CYYR1: variants seen among roughly 807,000 people sequenced by gnomAD.
The protein encoded by CYYR1 is cysteine and tyrosine-rich protein 1.
CYYR1 carries 14 observed loss-of-function variants against 15.2 expected under a neutral mutation model. The ratio of observed to expected loss-of-function variants is 0.92; its 90% CI spans 0.61 to 1.44. The LOEUF (loss-of-function observed/expected upper bound fraction) is 1.44. Ranked by LOEUF, CYYR1 falls within the 40% of genes most tolerant of loss-of-function variation. CYYR1 has a pLI of 0.00. For missense variants in CYYR1, 228 were observed against 209.5 expected (o/e 1.09, Z -0.54); for synonymous variants, 80 against 77.4 (o/e 1.03, Z -0.18).
At chr21:26,483,967 C>T (rs1017492357) in intron 2 of CYYR1, among the ~76,000 whole-genome samples, 3 of 152,170 alleles carry the variant, frequency 2.0e-5, no homozygotes, top group Admixed American at 6.6e-5. Context: ...GGTCCTTATT[C>T]TCAGTGGTAC....
Position 26,573,263 on chromosome 21 carries a change from A to G in CYYR1, c.-323T>C, listed in dbSNP as rs936174917. 2.8e-5 allele frequency: 37 copies of G among 1,329,264 alleles called. No homozygotes were observed. The African/African-American group carries it at 4.9e-4, about 18-fold the overall frequency. 82.3% of individuals were successfully genotyped at this position (1,329,264 alleles called of 1,614,324 possible). A position where few individuals can be genotyped will look rare whatever the true frequency, so the allele number is the denominator to read the frequency against. ...CCTTGGCCACCCAGGCTCACATTTCATCTCCGCGGGTGGCAACGACTGCGG... is the reference window on the plus strand; with the variant it reads ...CCTTGGCCACCCAGGCTCACATTTCGTCTCCGCGGGTGGCAACGACTGCGG... On this transcript the variant is annotated 5_prime_UTR_variant, in exon 1 of 4. The change abolishes an upstream ATG in the 5' untranslated region. Coordinates refer to ENST00000652641, the MANE Select transcript of CYYR1 (RefSeq NM_001320768.2).
At chr21:26,545,105 CTTT>C (rs1440357752) in intron 2 of CYYR1, among the ~76,000 whole-genome samples, 1 of 151,948 alleles carries the variant, frequency 6.6e-6, no homozygotes, top group African/African-American at 2.4e-5. Context: ...ATACCAGTCC[CTTT>C]TTAATTCCTA....
intron 2 of CYYR1, among the ~76,000 whole-genome samples, chr21:26,513,784 A>C (rs942449380): frequency 6.6e-6 from 1 of 151,874 alleles, no homozygotes; most frequent in African/African-American, 2.4e-5. Flanking sequence ...AGAGGAAAAA[A>C]CCATGCATGC....
chr21:26,562,799 A>AACACACACACACACACACACAC lies in CYYR1; in HGVS notation c.176+3445_176+3466dup, dbSNP rs57351372. Among the ~76,000 whole-genome samples, 420 of 132,578 alleles carry AACACACACACACACACACACAC rather than the reference A, an allele frequency of 3.2e-3. 3 individuals carry two copies. The highest frequency in any genetic ancestry group is 5.4e-3 in the Non-Finnish European group (338 of 62,142). 87.0% of individuals were successfully genotyped at this position (132,578 alleles called of 152,430 possible). A position where few individuals can be genotyped will look rare whatever the true frequency, so the allele number is the denominator to read the frequency against. ...ACACACACACACAGAGACATACACA[A>AACACACACACACACACACACAC]ACACACACACACACACACACACACA... On this transcript the variant is annotated intron_variant, in intron 2 of 3. Transcript: ENST00000652641.
chr21:26,544,700 T>C (rs955925109), intron 2 of CYYR1, among the ~76,000 whole-genome samples: 1 of 152,210 alleles, frequency 6.6e-6, no homozygotes, highest in Non-Finnish European at 1.5e-5. Flanking sequence ...TATTAAACAT[T>C]ATTTAAATAA....
intron 3 of CYYR1, among the ~76,000 whole-genome samples, chr21:26,473,306 C>T (rs895734458): frequency 2.0e-5 from 3 of 152,016 alleles, no homozygotes; most frequent in South Asian, 2.1e-4. Flanking sequence ...AAATAAAGGC[C>T]CACACAGCTC....
intron 2 of CYYR1, chr21:26,482,551 G>T: frequency 3.1e-6 from 3 of 976,968 alleles, no homozygotes; most frequent in Non-Finnish European, 3.6e-6. Context: ...TTGGTGAACT[G>T]CATTGTTTGT....
intron 2 of CYYR1, among the ~76,000 whole-genome samples, chr21:26,539,962 ATAAAAG>A (rs1445908733): frequency 6.6e-6 from 1 of 152,206 alleles, no homozygotes; most frequent in African/African-American, 2.4e-5. Context: ...CTGATTTAAT[ATAAAAG>A]TAAGAGGAGA....
chr21:26,514,820 G>C (rs908273521), intron 2 of CYYR1, among the ~76,000 whole-genome samples: 5 of 152,196 alleles, frequency 3.3e-5, no homozygotes, highest in African/African-American at 1.2e-4. Flanking sequence ...TAACAGATGA[G>C]AAAATTGAGG....
intron 1 of CYYR1, among the ~76,000 whole-genome samples, chr21:26,569,481 T>C (rs1042612939): frequency 3.3e-5 from 5 of 152,148 alleles, no homozygotes; most frequent in Non-Finnish European, 7.4e-5. Context: ...AACTAACTAT[T>C]GGGTACTGTA....
At chr21:26,541,222 A>G (rs945281548) in intron 2 of CYYR1, among the ~76,000 whole-genome samples, 1 of 152,164 alleles carries the variant, frequency 6.6e-6, no homozygotes, top group African/African-American at 2.4e-5. Flanking sequence ...ATCTGAAGAA[A>G]GAATGTTTAA....
chr21:26,471,740 C>T (rs2065035424), intron 3 of CYYR1: 1 of 152,038 alleles, frequency 6.6e-6, no homozygotes, highest in Non-Finnish European at 1.5e-5. Flanking sequence ...TCATCCTAAG[C>T]GGTTTTGTTC....
At chr21:26,522,571 T>C (rs1452141984) in intron 2 of CYYR1, among the ~76,000 whole-genome samples, 2 of 152,180 alleles carry the variant, frequency 1.3e-5, no homozygotes, top group African/African-American at 4.8e-5. Flanking sequence ...ATATTTTATT[T>C]TACCAATTAT....
intron 2 of CYYR1, chr21:26,506,694 C>T (rs1211711661): frequency 3.3e-5 from 5 of 152,108 alleles, no homozygotes; most frequent in Non-Finnish European, 1.5e-5. Flanking sequence ...ACCCAGGTGC[C>T]CATTCTGTGA....
At chr21:26,514,930 C>CGGTGGG (rs2065703588) in intron 2 of CYYR1, among the ~76,000 whole-genome samples, 1 of 152,178 alleles carries the variant, frequency 6.6e-6, no homozygotes, top group Non-Finnish European at 1.5e-5. Context: ...CATACTTCTT[C>CGGTGGG]AATAAATATT....
chr21:26,525,671 A>T (rs2065855127), intron 2 of CYYR1, among the ~76,000 whole-genome samples: 1 of 152,210 alleles, frequency 6.6e-6, no homozygotes, highest in Non-Finnish European at 1.5e-5. Flanking sequence ...ATGGAAGTTT[A>T]TCTGTTTTCT....
At chr21:26,564,668 G>GGTA (rs1360203345) in intron 2 of CYYR1, 1 of 1,058,940 alleles carries the variant, frequency 9.4e-7, no homozygotes, top group Non-Finnish European at 1.2e-6. Flanking sequence ...CCAGGGTGGA[G>GGTA]GTAGCTATGG....
chr21:26,506,963 T>G (rs1331817446), intron 2 of CYYR1, among the ~76,000 whole-genome samples: 1 of 152,196 alleles, frequency 6.6e-6, no homozygotes, highest in Non-Finnish European at 1.5e-5. Context: ...CTTATAAGCT[T>G]TGAGTTTGTA....
At chr21:26,468,693 G>T (rs1391514485) in intron 3 of CYYR1, 59 bp from the exon 4 acceptor site, 7 of 1,338,220 alleles carry the variant, frequency 5.2e-6, no homozygotes, top group Non-Finnish European at 7.2e-6. Flanking sequence ...TTTCTACTGT[G>T]TTGAAGCCAC....
Sources: allele counts gnomAD v4.1 joint callset (sites outside exome capture counted in the v4.1 genomes callset), GRCh38; gene constraint gnomAD v4.1.1; transcripts MANE v1.5; gene names NCBI Gene and HGNC (gene_info 2026-07-23, HGNC 2026-07-21).